The following TNIK variants were observed in gnomAD, a reference collection of about 807,000 sequenced individuals.
The protein encoded by TNIK is TRAF2 and NCK interacting kinase, also known as TRAF2 and NCK-interacting protein kinase.
TNIK carries 49 observed loss-of-function variants against 191.3 expected under a neutral mutation model. The observed-to-expected ratio is 0.26, with a 90% CI of 0.20 to 0.32. The LOEUF (loss-of-function observed/expected upper bound fraction) is 0.32, where lower values mean the gene tolerates loss of function less well. Among genes scored for constraint, TNIK ranks in the 10% least tolerant of loss-of-function variants. The probability of loss-of-function intolerance (pLI) is 1.00; values close to 1 mark genes in which losing one functional copy is unlikely to be tolerated. For missense variants in TNIK, 1,155 were observed against 1,702.3 expected, an observed-to-expected ratio of 0.68 and a Z score of 5.66; for synonymous variants, 594 against 600.9, an observed-to-expected ratio of 0.99 and a Z score of 0.17.
intron 22 of TNIK, among the ~76,000 whole-genome samples, chr3:171,095,536 T>G (rs1195257279): frequency 6.6e-6 from 1 of 152,248 alleles, no homozygotes; most frequent in Non-Finnish European, 1.5e-5. Context: ...ATTTTTTTCT[T>G]TTATTTTCAT....
chr3:171,342,759 C>T (rs1006014312), intron 2 of TNIK, among the ~76,000 whole-genome samples: 11 of 152,282 alleles, frequency 7.2e-5, no homozygotes, highest in South Asian at 4.1e-4. Flanking sequence ...GTTACTCTAT[C>T]CTTGATATGG....
At chr3:171,113,560 C>G (rs1197095717) in intron 18 of TNIK, among the ~76,000 whole-genome samples, 2 of 151,118 alleles carry the variant, frequency 1.3e-5, no homozygotes, top group Non-Finnish European at 2.9e-5. Flanking sequence ...GAGCGGAGAT[C>G]GCGCTACTGC....
intron 2 of TNIK, among the ~76,000 whole-genome samples, chr3:171,228,451 A>G (rs147418179): frequency 2.0e-5 from 3 of 152,158 alleles, no homozygotes; most frequent in Non-Finnish European, 2.9e-5. Flanking sequence ...AAAAAATGCA[A>G]TGTTGAACAA....
intron 2 of TNIK, among the ~76,000 whole-genome samples, chr3:171,286,867 T>C (rs1490687325): frequency 6.6e-6 from 1 of 152,234 alleles, no homozygotes; most frequent in East Asian, 1.9e-4. Flanking sequence ...GGAGTCCTCT[T>C]GTAATGATCA....
chr3:171,294,363 G>A (rs1752023070), intron 2 of TNIK, among the ~76,000 whole-genome samples: 2 of 152,146 alleles, frequency 1.3e-5, no homozygotes, highest in African/African-American at 4.8e-5. Flanking sequence ...CATCAAGGCT[G>A]CAGTGAGCTA....
chr3:171,442,440 T>C (rs1726940017), intron 1 of TNIK, among the ~76,000 whole-genome samples: 1 of 152,134 alleles, frequency 6.6e-6, no homozygotes, highest in South Asian at 2.1e-4. Context: ...GGCAAGAGCT[T>C]TGGTTCAGAG....
At chr3:171,071,909 A>C (rs1719232522) in intron 28 of TNIK, among the ~76,000 whole-genome samples, 1 of 152,176 alleles carries the variant, frequency 6.6e-6, no homozygotes, top group African/African-American at 2.4e-5. Flanking sequence ...GAAAGATGGA[A>C]TATTAAGCAT....
intron 2 of TNIK, among the ~76,000 whole-genome samples, chr3:171,365,197 T>TTTTTTTTTC (rs1224095923): frequency 9.3e-6 from 1 of 107,814 alleles, no homozygotes; most frequent in South Asian, 3.6e-4. Flanking sequence ...TTTTTTTTTT[T>TTTTTTTTTC]TTGAGACAGA....
chr3:171,075,768 G>T (rs897306458), intron 28 of TNIK, among the ~76,000 whole-genome samples: 1 of 145,114 alleles, frequency 6.9e-6, no homozygotes, highest in Non-Finnish European at 1.5e-5. Context: ...ATGGAGTCTC[G>T]TACTGTTGCC....
intron 2 of TNIK, among the ~76,000 whole-genome samples, chr3:171,293,741 G>C (rs1233862015): frequency 6.6e-6 from 1 of 152,048 alleles, no homozygotes; most frequent in Admixed American, 6.6e-5. Context: ...ATGACATAAA[G>C]TTTACTTTTT....
chr3:171,257,461 T>C lies in TNIK; in HGVS notation c.124-29240A>G, dbSNP rs141149506. On this transcript the variant is annotated intron_variant, in intron 2 of 32. Transcript: ENST00000436636. ...GATAGGAACTGGGACAGAGTCTTTG[T>C]GAAATACAAAGCAGATGTTCATGAC... 1.3e-3 allele frequency among the ~76,000 whole-genome samples: 196 copies of C among 152,264 alleles called. 1 individual carries two copies. The highest frequency in any genetic ancestry group is 0.012 in the Admixed American group (182 of 15,294).
Position 171,188,802 on chromosome 3 carries a change from C to T in TNIK, c.539G>A (p.Arg180Gln), listed in dbSNP as rs763443724. ...VDFGVSAQLD[R>Q]TVGRRNTFIG... ...GAAAGTATTCCTCCTGCCCACTGTT[C>T]GATCAAGCTGAGCACTGACTCCAAA... Residue 180 changes from arginine to glutamine, a missense_variant, in exon 7 of 33, where the codon CGA (arginine) becomes CAA (glutamine). By Grantham distance (43) the Arg-to-Gln change is conservative. This residue lies in a region of TNIK where 225 missense variants were observed against 438.9 expected (regional missense o/e 0.51). Coordinates refer to ENST00000436636, the MANE Select transcript of TNIK (RefSeq NM_015028.4). 14 of 1,613,304 alleles carry T rather than the reference C, an allele frequency of 8.7e-6. No homozygotes were observed. The highest frequency in any genetic ancestry group is 2.7e-5 in the African/African-American group (2 of 74,864).
chr3:171,266,427 GTTTCC>G (rs1362551418), intron 2 of TNIK, among the ~76,000 whole-genome samples: 6 of 152,314 alleles, frequency 3.9e-5, no homozygotes, highest in Admixed American at 2.0e-4. Flanking sequence ...TTCCCTCTCA[GTTTCC>G]TTTCATCTTT....
chr3:171,383,046 A>C (rs1718253802), intron 1 of TNIK, among the ~76,000 whole-genome samples: 1 of 152,138 alleles, frequency 6.6e-6, no homozygotes, highest in Non-Finnish European at 1.5e-5. Flanking sequence ...AATCCTGTGA[A>C]GTAGATTGCT....
At chr3:171,440,894 G>C (rs1726719495) in intron 1 of TNIK, among the ~76,000 whole-genome samples, 1 of 152,158 alleles carries the variant, frequency 6.6e-6, no homozygotes, top group South Asian at 2.1e-4. Flanking sequence ...GTTTTAGACA[G>C]GAATAGCTCT....
intron 4 of TNIK, among the ~76,000 whole-genome samples, chr3:171,210,669 C>T (rs1560267359): frequency 6.6e-6 from 1 of 152,094 alleles, no homozygotes; most frequent in Non-Finnish European, 1.5e-5. Context: ...TAGATCCATC[C>T]CTGCTAGCTA....
At chr3:171,343,467 C>T (rs1711631204) in intron 2 of TNIK, among the ~76,000 whole-genome samples, 1 of 152,184 alleles carries the variant, frequency 6.6e-6, no homozygotes, top group African/African-American at 2.4e-5. Context: ...AAAGAGAAGC[C>T]TGAAGGATCT....
chr3:171,122,834 C>T (rs1475131063), intron 18 of TNIK, among the ~76,000 whole-genome samples: 4 of 152,184 alleles, frequency 2.6e-5, no homozygotes, highest in Admixed American at 2.6e-4. Context: ...CATGAAAAAT[C>T]TGAGGGAAGC....
intron 2 of TNIK, among the ~76,000 whole-genome samples, chr3:171,303,090 AAAGTC>A (rs1753055015): frequency 6.6e-6 from 1 of 152,226 alleles, no homozygotes; most frequent in Non-Finnish European, 1.5e-5. Flanking sequence ...CAACATTTAT[AAAGTC>A]AAGCAAAATA....
Sources: allele counts gnomAD v4.1 joint callset (sites outside exome capture counted in the v4.1 genomes callset), GRCh38; gene constraint gnomAD v4.1.1; regional missense constraint gnomAD v4.1.1; transcripts MANE v1.5; gene names NCBI Gene and HGNC (gene_info 2026-07-23, HGNC 2026-07-21).